The following SMAD3 variants were observed in gnomAD, a reference collection of about 807,000 sequenced individuals.
SMAD3 encodes SMAD family member 3.
Under a neutral mutation model 51.8 loss-of-function variants are expected in SMAD3, and 12 were observed. That is an observed-to-expected ratio of 0.23 (90% CI 0.15 to 0.38). The LOEUF is 0.38. Ranked by LOEUF, SMAD3 falls within the 10% of genes least tolerant of loss-of-function variation. The pLI, the probability that SMAD3 is intolerant of heterozygous loss-of-function variation, is 1.00. For missense variants in SMAD3, 294 were observed against 565.6 expected (o/e 0.52, Z 4.87); for synonymous variants, 238 against 227.7 (o/e 1.05, Z -0.41).
intron 5 of SMAD3, among the ~76,000 whole-genome samples, chr15:67,178,818 G>GGC (rs1162876128): frequency 6.6e-6 from 1 of 152,042 alleles, no homozygotes; most frequent in Admixed American, 6.5e-5. Flanking sequence ...TCACCTCAGG[G>GGC]GCCAGGGCAC....
At position 67,112,235 on chromosome 15, in the gene SMAD3, C is replaced by T. The variant is rs564032781; in HGVS notation, c.206+45875C>T. On this transcript the variant is annotated intron_variant, in intron 1 of 8. Coordinates refer to ENST00000327367, the MANE Select transcript of SMAD3 (RefSeq NM_005902.4). Reference sequence around the variant, plus strand: ...CGCCATCTCAGCTCACTGCAACCTCCGCCACCTAGGTTCAAGCAATTCTCC... The same window carrying T: ...CGCCATCTCAGCTCACTGCAACCTCTGCCACCTAGGTTCAAGCAATTCTCC... Among the ~76,000 whole-genome samples the T allele has an allele frequency of 1.0e-4, 15 of 147,438 alleles. No homozygotes were observed. In the South Asian group the frequency reaches 1.3e-3, roughly 13 times the overall value.
intron 5 of SMAD3, among the ~76,000 whole-genome samples, chr15:67,171,472 G>A (rs1375681380): frequency 6.6e-6 from 1 of 152,214 alleles, no homozygotes; most frequent in Non-Finnish European, 1.5e-5. Flanking sequence ...TTATTGAGGG[G>A]AGATTTTTAT....
chr15:67,087,437 C>T (rs995453647), intron 1 of SMAD3, among the ~76,000 whole-genome samples: 5 of 152,152 alleles, frequency 3.3e-5, no homozygotes, highest in Admixed American at 1.3e-4. Flanking sequence ...TCTCTTTGGA[C>T]CCTAAGATAC....
At chr15:67,137,948 G>A (rs1188393373) in intron 1 of SMAD3, 14 of 1,025,980 alleles carry the variant, frequency 1.4e-5, no homozygotes, top group South Asian at 2.7e-5. Flanking sequence ...ACTAGAATTC[G>A]GACTTCTAGG....
chr15:67,166,490 G>A lies in SMAD3; in HGVS notation c.533-289G>A, dbSNP rs75579860. On this transcript the variant is annotated intron_variant, in intron 3 of 8. Coordinates refer to ENST00000327367, the MANE Select transcript of SMAD3 (RefSeq NM_005902.4). ...GGGGGTGGGGCTTAACCCTCACCTT[G>A]AAGGACCAGGATAAGTTAGCCTGGC... The A allele has an allele frequency of 3.5e-3, 1,832 of 519,992 alleles. 23 individuals carry two copies. The highest frequency in any genetic ancestry group is 0.032 in the African/African-American group (1,652 of 52,300). The allele number at this position is 519,992 out of a possible 1,614,324, so 32.2% of individuals were successfully genotyped here. A position where few individuals can be genotyped will look rare whatever the true frequency, so the allele number is the denominator to read the frequency against.
At chr15:67,156,851 T>C (rs1962296051) in intron 1 of SMAD3, among the ~76,000 whole-genome samples, 1 of 152,112 alleles carries the variant, frequency 6.6e-6, no homozygotes, top group African/African-American at 2.4e-5. Flanking sequence ...ATGGCAGAGG[T>C]ACGAGAGGAC....
At chr15:67,125,270 G>A (rs11071937) in intron 1 of SMAD3, among the ~76,000 whole-genome samples, 4 of 152,124 alleles carry the variant, frequency 2.6e-5, no homozygotes, top group Non-Finnish European at 4.4e-5. Context: ...TGATCCACCC[G>A]CTTCTTTCTT....
intron 1 of SMAD3, among the ~76,000 whole-genome samples, chr15:67,129,554 C>T (rs1413750164): frequency 2.0e-5 from 3 of 152,116 alleles, no homozygotes; most frequent in Admixed American, 6.5e-5. Context: ...TGTACATGCA[C>T]AGGAAAAAAC....
chr15:67,182,998 A>ATATATATATATATATATATATAT (rs1444218521), intron 6 of SMAD3, among the ~76,000 whole-genome samples: 1 of 49,076 alleles, frequency 2.0e-5, no homozygotes, highest in African/African-American at 8.8e-5. Flanking sequence ...AAAAAAAAAA[A>ATATATATATATATATATATATAT]AAATATATAT....
At chr15:67,154,569 G>A (rs765300448) in intron 1 of SMAD3, among the ~76,000 whole-genome samples, 4 of 152,102 alleles carry the variant, frequency 2.6e-5, no homozygotes, top group Admixed American at 6.6e-5. Flanking sequence ...TGTCTTTGTG[G>A]CACCAAATGA....
At chr15:67,096,572 A>G (rs547301035) in intron 1 of SMAD3, among the ~76,000 whole-genome samples, 2 of 152,346 alleles carry the variant, frequency 1.3e-5, no homozygotes, top group African/African-American at 4.8e-5. Flanking sequence ...TAAAAATACC[A>G]TGACACATCA....
rs1322795762 is a variant in SMAD3 at position 67,088,277 on chromosome 15, A to G, written c.206+21917A>G. ...TGATGCTAAACGGCTTTCCCGATAG[A>G]CTTGGGATCTCACTGTTCTTGTCTT... is the stretch of plus-strand genomic sequence containing the variant. On this transcript the variant is annotated intron_variant, in intron 1 of 8. Coordinates refer to ENST00000327367, the MANE Select transcript of SMAD3 (RefSeq NM_005902.4). 2.6e-5 allele frequency among the ~76,000 whole-genome samples: 4 copies of G among 152,182 alleles called. No homozygotes were observed. The East Asian group carries it at 5.8e-4, about 22-fold the overall frequency.
intron 1 of SMAD3, among the ~76,000 whole-genome samples, chr15:67,115,505 A>G (rs1961115072): frequency 6.6e-6 from 1 of 152,198 alleles, no homozygotes; most frequent in Non-Finnish European, 1.5e-5. Context: ...GTGTGCTCAG[A>G]GCCGTGCTGG....
intron 5 of SMAD3, among the ~76,000 whole-genome samples, chr15:67,178,085 G>A (rs141509163): frequency 2.0e-5 from 3 of 152,278 alleles, no homozygotes; most frequent in Non-Finnish European, 4.4e-5. Context: ...CCTAGTGTCC[G>A]GGGTTTTCCA....
Position 67,170,622 on chromosome 15 carries a change from C to T in SMAD3, c.658+18C>T. On this transcript the variant is annotated intron_variant, in intron 5 of 8. Transcript: ENST00000327367. ...TAACTTGGGTGAGTATCTCCTTGTG[C>T]ACACAACTGGAACCCCCTCTAGCTG... is the stretch of plus-strand genomic sequence containing the variant. 6.2e-6 allele frequency: 10 copies of T among 1,610,588 alleles called. No individual in the cohort carries two copies. The highest frequency in any genetic ancestry group is 8.5e-6 in the Non-Finnish European group (10 of 1,176,884).
intron 1 of SMAD3, among the ~76,000 whole-genome samples, chr15:67,141,593 C>G (rs1457288744): frequency 6.6e-6 from 1 of 152,186 alleles, no homozygotes; most frequent in African/African-American, 2.4e-5. Context: ...GTCTGGCAGT[C>G]CCTGAAGGCT....
rs751835194 is a variant in SMAD3, at chr15:67,193,975, C to G, written c.*3439C>G. The G allele has an allele frequency of 4.3e-6, 1 of 233,206 alleles. No homozygotes were observed. The highest frequency in any genetic ancestry group is 8.5e-6 in the Non-Finnish European group (1 of 117,944). The allele number at this position is 233,206 out of a possible 1,614,324, so 14.4% of individuals were successfully genotyped here. A position where few individuals can be genotyped will look rare whatever the true frequency, so the allele number is the denominator to read the frequency against. ...GGCCTCATGAGGGTCTCCACAGGGC[C>G]GGAGCTCAGGTTACACCACTCCTTC... On this transcript the variant is annotated 3_prime_UTR_variant, in exon 9 of 9. Coordinates refer to ENST00000327367, the MANE Select transcript of SMAD3 (RefSeq NM_005902.4).
intron 4 of SMAD3, 36 bp downstream of exon 4, chr15:67,166,889 G>A (rs1962607285): frequency 6.6e-7 from 1 of 1,510,246 alleles, no homozygotes; most frequent in African/African-American, 1.4e-5. Flanking sequence ...ATTCTTAACT[G>A]ATTAGCAGCT....
chr15:67,127,633 G>A (rs983764249), intron 1 of SMAD3, among the ~76,000 whole-genome samples: 4 of 152,206 alleles, frequency 2.6e-5, no homozygotes, highest in African/African-American at 9.6e-5. Flanking sequence ...TGTCTTCTGT[G>A]CCCGTCTCTG....
Sources: gnomAD v4.1 joint callset for allele counts (sites outside exome capture counted in the v4.1 genomes callset) on GRCh38, gnomAD v4.1.1 for gene constraint, MANE v1.5 for transcripts, NCBI Gene and HGNC (gene_info 2026-07-23, HGNC 2026-07-21) for gene names.